The following DLGAP2 variants were observed in gnomAD, a reference collection of about 807,000 sequenced individuals.
The protein encoded by DLGAP2 is disks large-associated protein 2.
DLGAP2 carries 26 observed loss-of-function variants against 100.3 expected under a neutral mutation model. The ratio of observed to expected loss-of-function variants is 0.26; its 90% CI spans 0.19 to 0.36. The LOEUF is 0.36. Among genes scored for constraint, DLGAP2 ranks in the 10% least tolerant of loss-of-function variants. The pLI, the probability that DLGAP2 is intolerant of heterozygous loss-of-function variation, is 1.00. For missense variants in DLGAP2, 1,858 were observed against 1,453.2 expected (o/e 1.28, Z -4.53); for synonymous variants, 886 against 630.1 (o/e 1.41, Z -6.08).
At chr8:1,088,742 C>A (rs1804062809) in intron 2 of DLGAP2, among the ~76,000 whole-genome samples, 1 of 137,318 alleles carries the variant, frequency 7.3e-6, no homozygotes, top group African/African-American at 2.8e-5. Context: ...CTCACTCTCC[C>A]CACCCTACTC....
At chr8:1,580,561 G>A (rs891087716) in intron 6 of DLGAP2, among the ~76,000 whole-genome samples, 2 of 152,212 alleles carry the variant, frequency 1.3e-5, no homozygotes, top group African/African-American at 2.4e-5. Flanking sequence ...CAGAAGAAAC[G>A]TGGGAAGCAC....
At chr8:1,174,104 A>G (rs1178881910) in intron 2 of DLGAP2, among the ~76,000 whole-genome samples, 4 of 152,194 alleles carry the variant, frequency 2.6e-5, no homozygotes, top group African/African-American at 9.7e-5. Context: ...AAACAGTGAC[A>G]GAGGGCTCAG....
In DLGAP2 at chr8:1,706,909, A is replaced by G. The variant is rs1480702799; in HGVS notation, c.*5503A>G. The G allele has an allele frequency of 6.6e-6, 1 of 152,294 alleles. No homozygotes were observed. Among genetic ancestry groups the G allele is most frequent in the East Asian group, 1.9e-4 (1 of 5,192 alleles). 9.4% of individuals were successfully genotyped at this position (152,294 alleles called of 1,614,324 possible). On this transcript the variant is annotated 3_prime_UTR_variant, in exon 15 of 15. Transcript: ENST00000637795. ...GTGGTCCGTGGGAAAGCTCCGGGAA[A>G]CAGCCGTCTTTCATCCTTGCCACAT...
chr8:1,571,970 G>A (rs1172863375), intron 6 of DLGAP2, among the ~76,000 whole-genome samples: 49 of 108,710 alleles, frequency 4.5e-4, no homozygotes, highest in Admixed American at 4.5e-4. Context: ...CTGTGGGGGC[G>A]TCTGATGAGA....
intron 3 of DLGAP2, among the ~76,000 whole-genome samples, chr8:1,294,589 A>G (rs1186937823): frequency 2.6e-5 from 4 of 152,206 alleles, no homozygotes. Flanking sequence ...CACTGGGTCA[A>G]TGTCGAATTG....
intron 3 of DLGAP2, among the ~76,000 whole-genome samples, chr8:1,275,989 A>G (rs1315816585): frequency 1.5e-5 from 2 of 131,656 alleles, no homozygotes; most frequent in South Asian, 2.2e-4. Context: ...TAATATATAA[A>G]TAAATGTAAT....
At chr8:1,419,205 CGTGT>C (rs59073892) in intron 3 of DLGAP2, among the ~76,000 whole-genome samples, 26,457 of 73,516 alleles carry the variant, frequency 0.36, 2,598 homozygotes, top group South Asian at 0.52. Flanking sequence ...CTGATGCGTG[CGTGT>C]GTGTGTGTGT....
Position 1,506,041 on chromosome 8 carries a change from A to C in DLGAP2, c.172+4610A>C, listed in dbSNP as rs76589839. Among the ~76,000 whole-genome samples the C allele has an allele frequency of 2.8e-3, 424 of 152,328 alleles. 2 individuals carry two copies. The highest frequency in any genetic ancestry group is 0.01 in the African/African-American group (416 of 41,586). On this transcript the variant is annotated intron_variant, in intron 4 of 14. Coordinates refer to ENST00000637795, the MANE Select transcript of DLGAP2 (RefSeq NM_001346810.2). ...CACTGTGTAATTTTGAAATACCTGA[A>C]TATTAAAATAATACTTAGAGCCTTC...
At chr8:1,156,828 C>T (rs1796801102) in intron 2 of DLGAP2, among the ~76,000 whole-genome samples, 1 of 152,212 alleles carries the variant, frequency 6.6e-6, no homozygotes, top group Non-Finnish European at 1.5e-5. Context: ...CATCCAGCTT[C>T]ATTCACACTG....
chr8:850,589 G>A (rs555755154), intron 1 of DLGAP2, among the ~76,000 whole-genome samples: 18 of 152,240 alleles, frequency 1.2e-4, no homozygotes, highest in African/African-American at 4.3e-4. Context: ...ATGAAATGAG[G>A]CTGTTGCTTG....
At chr8:1,124,783 A>AT (rs1480225050) in intron 2 of DLGAP2, among the ~76,000 whole-genome samples, 2 of 152,136 alleles carry the variant, frequency 1.3e-5, no homozygotes, top group Non-Finnish European at 2.9e-5. Context: ...TGGTGTTTTC[A>AT]TTTTTCCCAT....
At chr8:1,480,871 A>AAAAAG (rs541739616) in intron 3 of DLGAP2, among the ~76,000 whole-genome samples, 1,797 of 149,646 alleles carry the variant, frequency 0.012, 17 homozygotes, top group Non-Finnish European at 0.019. Context: ...CATATAAAAA[A>AAAAAG]AAAAGAAAAG....
intron 2 of DLGAP2, among the ~76,000 whole-genome samples, chr8:1,200,517 T>A (rs926540551): frequency 6.6e-6 from 1 of 152,154 alleles, no homozygotes; most frequent in African/African-American, 2.4e-5. Context: ...AGGGCCTGGA[T>A]GCTGATTGTT....
At chr8:1,503,664 A>C (rs1041870676) in intron 4 of DLGAP2, among the ~76,000 whole-genome samples, 1 of 152,132 alleles carries the variant, frequency 6.6e-6, no homozygotes, top group Non-Finnish European at 1.5e-5. Context: ...TGGTGAAGCG[A>C]TGCTTCCTCG....
intron 4 of DLGAP2, among the ~76,000 whole-genome samples, chr8:1,517,154 G>C (rs1800421199): frequency 6.6e-6 from 1 of 152,140 alleles, no homozygotes; most frequent in Non-Finnish European, 1.5e-5. Flanking sequence ...ATGGCTGTGG[G>C]TGGAGGGCGA....
At chr8:972,419 T>C (rs551658411) in intron 2 of DLGAP2, among the ~76,000 whole-genome samples, 2 of 152,174 alleles carry the variant, frequency 1.3e-5, no homozygotes, top group South Asian at 4.2e-4. Flanking sequence ...ATGAGTGATA[T>C]AAGCAAAGAG....
intron 5 of DLGAP2, among the ~76,000 whole-genome samples, chr8:1,555,902 G>A (rs1042239649): frequency 3.3e-5 from 5 of 152,214 alleles, no homozygotes; most frequent in African/African-American, 1.2e-4. Flanking sequence ...AATCCTTCAC[G>A]CCTCCGTTTG....
At chr8:1,184,472 C>G (rs1187696933) in intron 2 of DLGAP2, among the ~76,000 whole-genome samples, 1 of 152,200 alleles carries the variant, frequency 6.6e-6, no homozygotes, top group Non-Finnish European at 1.5e-5. Context: ...TGAGGCCATT[C>G]TTCTCTGGGA....
At chr8:1,285,322 A>AT (rs796622578) in intron 3 of DLGAP2, among the ~76,000 whole-genome samples, 1 of 152,158 alleles carries the variant, frequency 6.6e-6, no homozygotes, top group Non-Finnish European at 1.5e-5. Context: ...GCATACATTT[A>AT]TTTTTTTAAT....
Sources: gnomAD v4.1 joint callset for allele counts (sites outside exome capture counted in the v4.1 genomes callset) on GRCh38, gnomAD v4.1.1 for gene constraint, MANE v1.5 for transcripts, NCBI Gene and HGNC (gene_info 2026-07-23, HGNC 2026-07-21) for gene names.